Variants in CDH12 observed in about 807,000 individuals in gnomAD.
CDH12 encodes the protein cadherin-12.
A neutral mutation model predicts 74.1 loss-of-function variants in CDH12; 41 were observed. The ratio of observed to expected loss-of-function variants is 0.55; its 90% confidence interval spans 0.43 to 0.72. CDH12 has a LOEUF of 0.72. Ranked by LOEUF, CDH12 falls within the 30% of genes least tolerant of loss-of-function variation. The pLI is 0.00. For synonymous variants in CDH12, 399 were observed against 355.0 expected (o/e 1.12, Z -1.39); for missense variants, 945 against 977.2 (o/e 0.97, Z 0.44).
chr5:22,813,551 T>C (rs1247771002), intron 1 of CDH12, among the ~76,000 whole-genome samples: 2 of 152,172 alleles, frequency 1.3e-5, no homozygotes, highest in African/African-American at 4.8e-5. Flanking sequence ...AGGATTTTGC[T>C]TTAGATATAG....
intron 3 of CDH12, among the ~76,000 whole-genome samples, chr5:22,305,109 T>TA (rs11387361): frequency 0.99 from 150,981 of 152,322 alleles, 74,842 homozygotes; most frequent in Middle Eastern, 1. Context: ...ATCTATAACA[T>TA]AAACATATAA....
At chr5:22,749,315 T>G (rs2127031297) in intron 1 of CDH12, among the ~76,000 whole-genome samples, 1 of 152,342 alleles carries the variant, frequency 6.6e-6, no homozygotes, top group South Asian at 2.1e-4. Context: ...GTCCCAAGGT[T>G]AGAAAGCCTA....
chr5:22,810,004 T>C (rs774009168), intron 1 of CDH12, among the ~76,000 whole-genome samples: 1 of 152,144 alleles, frequency 6.6e-6, no homozygotes, highest in Non-Finnish European at 1.5e-5. Context: ...TAGTGATAGA[T>C]TGAATTAACA....
chr5:21,769,599 C>T (rs559995388), intron 11 of CDH12, among the ~76,000 whole-genome samples: 2 of 152,156 alleles, frequency 1.3e-5, no homozygotes, highest in South Asian at 2.1e-4. Context: ...TTAGGTGTGA[C>T]ATAATTAGAA....
chr5:22,009,101 T>A (rs1737138723), intron 5 of CDH12, among the ~76,000 whole-genome samples: 1 of 152,196 alleles, frequency 6.6e-6, no homozygotes, highest in Non-Finnish European at 1.5e-5. Flanking sequence ...GGGACCCCAG[T>A]GGTGTACTTC....
chr5:22,722,144 C>A (rs1743931261), intron 1 of CDH12, among the ~76,000 whole-genome samples: 1 of 152,196 alleles, frequency 6.6e-6, no homozygotes, highest in South Asian at 2.1e-4. Context: ...CCTACCTGAT[C>A]AAGCTGTAGT....
At chr5:22,308,365 G>C (rs574453124) in intron 3 of CDH12, among the ~76,000 whole-genome samples, 1 of 152,152 alleles carries the variant, frequency 6.6e-6, no homozygotes, top group Admixed American at 6.5e-5. Flanking sequence ...GTCATTATCC[G>C]ATTGCCATCT....
chr5:21,948,402 T>G (rs1482371502), intron 6 of CDH12, among the ~76,000 whole-genome samples: 1 of 152,230 alleles, frequency 6.6e-6, no homozygotes, highest in Non-Finnish European at 1.5e-5. Flanking sequence ...AAGCTTTATG[T>G]TTTAATGACT....
At chr5:22,605,205 T>C (rs541719839) in intron 1 of CDH12, among the ~76,000 whole-genome samples, 22 of 152,338 alleles carry the variant, frequency 1.4e-4, no homozygotes, top group African/African-American at 5.0e-4. Context: ...TCAGCTGTAC[T>C]GTGCACTCCG....
chr5:21,860,160 C>A (rs1374738873), intron 6 of CDH12, among the ~76,000 whole-genome samples: 1 of 151,952 alleles, frequency 6.6e-6, no homozygotes, highest in East Asian at 1.9e-4. Flanking sequence ...AATACTTTTT[C>A]TTTATTTTGT....
chr5:22,616,405 G>T (rs934419274), intron 1 of CDH12, among the ~76,000 whole-genome samples: 2 of 152,002 alleles, frequency 1.3e-5, no homozygotes, highest in African/African-American at 2.4e-5. Flanking sequence ...GTGAATTTGA[G>T]TATTTGAGGG....
chr5:22,161,302 T>C (rs1748330806), intron 4 of CDH12, among the ~76,000 whole-genome samples: 1 of 152,180 alleles, frequency 6.6e-6, no homozygotes, highest in Admixed American at 6.5e-5. Flanking sequence ...TTTTAGATGA[T>C]TTAAGAATCC....
chr5:22,327,376 A>C (rs1739159123), intron 3 of CDH12, among the ~76,000 whole-genome samples: 1 of 151,848 alleles, frequency 6.6e-6, no homozygotes, highest in Admixed American at 6.6e-5. Flanking sequence ...ATTTTGTATT[A>C]AAATGGCAGC....
chr5:22,058,700 G>T (rs924007119), intron 5 of CDH12, among the ~76,000 whole-genome samples: 14 of 102,954 alleles, frequency 1.4e-4, no homozygotes, highest in African/African-American at 5.0e-4. Flanking sequence ...AAGAAAGAAA[G>T]AAGAAAGAAA....
intron 3 of CDH12, among the ~76,000 whole-genome samples, chr5:22,374,380 T>C (rs1227694330): frequency 6.6e-6 from 1 of 152,176 alleles, no homozygotes; most frequent in Non-Finnish European, 1.5e-5. Context: ...GCTGAAAGCC[T>C]TTCTTTTAAG....
chr5:22,534,269 T>C (rs527703830), intron 1 of CDH12, among the ~76,000 whole-genome samples: 2 of 152,188 alleles, frequency 1.3e-5, no homozygotes, highest in East Asian at 1.9e-4. Context: ...CGTTATTTAG[T>C]GGTGATTTGT....
At chr5:22,783,826 G>T (rs886422691) in intron 1 of CDH12, among the ~76,000 whole-genome samples, 1 of 152,028 alleles carries the variant, frequency 6.6e-6, no homozygotes, top group African/African-American at 2.4e-5. Context: ...GGCTCAAAGC[G>T]TCATGGGAGT....
chr5:22,658,667 C>T (rs1740191403), intron 1 of CDH12, among the ~76,000 whole-genome samples: 1 of 152,026 alleles, frequency 6.6e-6, no homozygotes. Flanking sequence ...AGAAGACACC[C>T]TCCTACATAA....
chr5:22,378,977 G>T (rs2126374641), intron 3 of CDH12, among the ~76,000 whole-genome samples: 1 of 152,160 alleles, frequency 6.6e-6, no homozygotes, highest in East Asian at 1.9e-4. Flanking sequence ...GTCAACTATT[G>T]TTTCATAGGT....
Sources: allele counts gnomAD v4.1 joint callset (sites outside exome capture counted in the v4.1 genomes callset), GRCh38; gene constraint gnomAD v4.1.1; transcripts MANE v1.5; gene names NCBI Gene and HGNC (gene_info 2026-07-23, HGNC 2026-07-21).